Variants in SORCS1 observed in about 807,000 individuals in gnomAD.
SORCS1 encodes sortilin related VPS10 domain containing receptor 1.
Under a neutral mutation model 146.1 loss-of-function variants are expected in SORCS1, and 60 were observed. The ratio of observed to expected loss-of-function variants is 0.41; its 90% CI spans 0.33 to 0.51. The LOEUF (loss-of-function observed/expected upper bound fraction) is 0.51. SORCS1 is among the 20% of genes least tolerant of loss of function. The pLI, the probability that SORCS1 is intolerant of heterozygous loss-of-function variation, is 0.21. For missense variants in SORCS1, 1,352 were observed against 1,487.6 expected (o/e 0.91, Z 1.50); for synonymous variants, 637 against 584.0 (o/e 1.09, Z -1.31).
intron 1 of SORCS1, among the ~76,000 whole-genome samples, chr10:106,966,981 T>C (rs1239741674): frequency 6.6e-6 from 1 of 152,218 alleles, no homozygotes; most frequent in East Asian, 1.9e-4. Context: ...GGTCTTTATA[T>C]TCAGTAAATA....
intron 1 of SORCS1, among the ~76,000 whole-genome samples, chr10:107,103,890 A>G (rs1296753343): frequency 6.6e-6 from 1 of 152,186 alleles, no homozygotes; most frequent in Non-Finnish European, 1.5e-5. Context: ...AGAGCCAGGA[A>G]ATGTCAAATT....
chr10:106,924,965 T>C (rs559369378), intron 2 of SORCS1, among the ~76,000 whole-genome samples: 9 of 152,274 alleles, frequency 5.9e-5, no homozygotes. Flanking sequence ...ACTCACAAGA[T>C]ATATTTACAT....
intron 2 of SORCS1, among the ~76,000 whole-genome samples, chr10:106,928,290 G>A (rs887533629): frequency 1.1e-4 from 17 of 152,338 alleles, no homozygotes; most frequent in African/African-American, 4.8e-5. Flanking sequence ...CGAGCGCAGC[G>A]CCGGTGGGCC....
chr10:107,038,648 G>A (rs1322347659), intron 1 of SORCS1, among the ~76,000 whole-genome samples: 9 of 151,226 alleles, frequency 6.0e-5, no homozygotes, highest in African/African-American at 1.9e-4. Flanking sequence ...GTAAAATGGG[G>A]ATAAAGAGGA....
chr10:106,592,777 C>CT (rs568910860), intron 24 of SORCS1, among the ~76,000 whole-genome samples: 2,676 of 141,234 alleles, frequency 0.019, 62 homozygotes, highest in African/African-American at 0.051. Flanking sequence ...CACTGTTTCT[C>CT]TTTTTTTTTT....
Position 106,956,574 on chromosome 10 carries a change from G to A in SORCS1, c.565C>T (p.Leu189Phe). 1 of 1,614,040 alleles carries A rather than the reference G, an allele frequency of 6.2e-7. No homozygotes were observed. Among genetic ancestry groups the A allele is most frequent in the Non-Finnish European group, 8.5e-7 (1 of 1,179,946 alleles). ...TAGTCATAGAGCTTTGTCAAAATGAGAATCACCTGAAGGCAAAAGAAGAAA... is the reference window on the plus strand; with the variant it reads ...TAGTCATAGAGCTTTGTCAAAATGAAAATCACCTGAAGGCAAAAGAAGAAA... ...HWSGHNSSVI[L>F]ILTKLYDYNL... Residue 189 changes from leucine to phenylalanine, a missense_variant, in exon 2 of 26, where the codon CTC (leucine) becomes TTC (phenylalanine). Physicochemically the swap from Leu to Phe is conservative, Grantham distance 22. Around this residue, in one of 3 missense-constraint regions of SORCS1, gnomAD observed 490 missense variants for 489.1 expected, o/e 1.00. Coordinates refer to ENST00000263054, the MANE Select transcript of SORCS1 (RefSeq NM_052918.5).
At chr10:107,103,248 C>A (rs1347582105) in intron 1 of SORCS1, among the ~76,000 whole-genome samples, 1 of 152,168 alleles carries the variant, frequency 6.6e-6, no homozygotes, top group Non-Finnish European at 1.5e-5. Flanking sequence ...GTTACATTTC[C>A]CACAAAACAA....
At chr10:107,177,835 A>G in the SORCS1 span, among the ~76,000 whole-genome samples, 2 of 152,238 alleles carry the variant, frequency 1.3e-5, no homozygotes, top group African/African-American at 4.8e-5. Flanking sequence ...AAAGAAAGAA[A>G]ATCATTTCTT....
intron 7 of SORCS1, among the ~76,000 whole-genome samples, chr10:106,708,341 A>AAAGCATGT (rs1437878581): frequency 6.6e-6 from 1 of 152,144 alleles, no homozygotes; most frequent in Non-Finnish European, 1.5e-5. Flanking sequence ...TTGCATCCTC[A>AAAGCATGT]AAGCATGTAA....
At chr10:106,896,053 A>T (rs952029360) in intron 2 of SORCS1, among the ~76,000 whole-genome samples, 2 of 152,200 alleles carry the variant, frequency 1.3e-5, no homozygotes, top group Non-Finnish European at 2.9e-5. Flanking sequence ...CATTATGCTA[A>T]GTGAAATAAG....
chr10:107,040,856 T>C (rs1337559057), intron 1 of SORCS1, among the ~76,000 whole-genome samples: 1 of 152,162 alleles, frequency 6.6e-6, no homozygotes, highest in Non-Finnish European at 1.5e-5. Flanking sequence ...GTTGGAAATG[T>C]CAATACCTTT....
chr10:106,781,215 G>C (rs1589862884), intron 3 of SORCS1, among the ~76,000 whole-genome samples: 1 of 152,048 alleles, frequency 6.6e-6, no homozygotes, highest in East Asian at 1.9e-4. Flanking sequence ...GCTGTTCTTG[G>C]AATTCCACCA....
At chr10:106,943,710 T>C (rs1010877529) in intron 2 of SORCS1, among the ~76,000 whole-genome samples, 2 of 151,944 alleles carry the variant, frequency 1.3e-5, no homozygotes, top group African/African-American at 4.8e-5. Flanking sequence ...CTCGGGAGGC[T>C]GAGGCAGGAG....
intron 3 of SORCS1, among the ~76,000 whole-genome samples, chr10:106,813,284 C>T (rs987742943): frequency 6.6e-6 from 1 of 151,856 alleles, no homozygotes; most frequent in Non-Finnish European, 1.5e-5. Flanking sequence ...AGGCACCCAC[C>T]CGCAAGCCCA....
intron 1 of SORCS1, among the ~76,000 whole-genome samples, chr10:106,993,556 T>G (rs1158966284): frequency 2.6e-5 from 4 of 152,180 alleles, no homozygotes; most frequent in African/African-American, 9.7e-5. Context: ...AAAAACTTAT[T>G]TTCTTAAAGC....
chr10:106,906,479 T>C (rs1481366008), intron 2 of SORCS1, among the ~76,000 whole-genome samples: 1 of 152,040 alleles, frequency 6.6e-6, no homozygotes, highest in African/African-American at 2.4e-5. Context: ...AGAATCACGG[T>C]GGGAGGTGAA....
chr10:106,744,882 A>G (rs566110564), intron 5 of SORCS1, among the ~76,000 whole-genome samples: 1 of 152,342 alleles, frequency 6.6e-6, no homozygotes, highest in South Asian at 2.1e-4. Context: ...AGGAAAGCTC[A>G]GAACTACTGG....
chr10:106,990,277 T>G (rs1340881343), intron 1 of SORCS1, among the ~76,000 whole-genome samples: 1 of 152,110 alleles, frequency 6.6e-6, no homozygotes, highest in Non-Finnish European at 1.5e-5. Flanking sequence ...CTATTTCAAA[T>G]TTTTCTTTTT....
chr10:106,783,781 C>T (rs535276212), intron 3 of SORCS1, among the ~76,000 whole-genome samples: 4 of 152,136 alleles, frequency 2.6e-5, no homozygotes, highest in South Asian at 2.1e-4. Flanking sequence ...ATGATTCTTC[C>T]GTAGATTGGA....
Sources: allele counts gnomAD v4.1 joint callset (sites outside exome capture counted in the v4.1 genomes callset), GRCh38; gene constraint gnomAD v4.1.1; regional missense constraint gnomAD v4.1.1; transcripts MANE v1.5; gene names NCBI Gene and HGNC (gene_info 2026-07-23, HGNC 2026-07-21).